PRKN: variants seen among roughly 807,000 people sequenced by gnomAD.
PRKN encodes parkin RBR E3 ubiquitin protein ligase.
In PRKN, 56 loss-of-function variants were observed where a neutral mutation model predicts 59.5. The observed-to-expected ratio is 0.94, with a 90% CI of 0.76 to 1.18. The LOEUF (loss-of-function observed/expected upper bound fraction) is 1.18, where lower values mean the gene tolerates loss of function less well. Ranked by LOEUF, PRKN falls within the 50% of genes most tolerant of loss-of-function variation. The pLI is 0.00. For missense variants in PRKN, 657 were observed against 596.4 expected, an observed-to-expected ratio of 1.10 and a Z score of -1.06; for synonymous variants, 250 against 222.1, an observed-to-expected ratio of 1.13 and a Z score of -1.12.
intron 3 of PRKN, among the ~76,000 whole-genome samples, chr6:162,220,738 G>A (rs1379465240): frequency 3.3e-5 from 5 of 152,222 alleles, no homozygotes; most frequent in African/African-American, 4.8e-5. Context: ...TCATGGCGCA[G>A]CCAAGGGGAG....
chr6:162,340,626 G>A (rs868161832), intron 2 of PRKN, among the ~76,000 whole-genome samples: 11 of 152,042 alleles, frequency 7.2e-5, no homozygotes, highest in South Asian at 2.1e-4. Context: ...ATAACACCAC[G>A]CATCTACAAA....
intron 6 of PRKN, among the ~76,000 whole-genome samples, chr6:161,833,341 A>AC (rs1792593083): frequency 1.3e-5 from 2 of 152,182 alleles, no homozygotes; most frequent in Non-Finnish European, 2.9e-5. Context: ...CTCTTGCTTA[A>AC]TGTCTTCTGA....
rs1264419096 is a variant in PRKN, at chr6:161,589,752, T to C, written c.872-20336A>G. 2.0e-5 allele frequency among the ~76,000 whole-genome samples: 3 copies of C among 151,374 alleles called. No individual in the cohort carries two copies. In the East Asian group the frequency reaches 5.9e-4, roughly 30 times the overall value. ...GTTTTTTGTTGAATTTCCTTTAAAA[T>C]ACAATGAATTGAAAAGGATTAAATT... is the stretch of plus-strand genomic sequence containing the variant. On this transcript the variant is annotated intron_variant, in intron 7 of 11. Coordinates refer to ENST00000366898, the MANE Select transcript of PRKN (RefSeq NM_004562.3).
At chr6:162,080,516 C>T (rs1388991832) in intron 4 of PRKN, among the ~76,000 whole-genome samples, 1 of 152,122 alleles carries the variant, frequency 6.6e-6, no homozygotes, top group East Asian at 1.9e-4. Context: ...AAAAAGTATG[C>T]TTGCACTATA....
chr6:161,464,599 A>G (rs1790365539), intron 9 of PRKN, among the ~76,000 whole-genome samples: 1 of 152,198 alleles, frequency 6.6e-6, no homozygotes, highest in South Asian at 2.1e-4. Context: ...TCCTATGCCC[A>G]CCTAGCCTAA....
chr6:162,702,901 T>C (rs35378894), intron 1 of PRKN, among the ~76,000 whole-genome samples: 12,984 of 152,216 alleles, frequency 0.085, 690 homozygotes, highest in Middle Eastern at 0.18. Context: ...ACATGGTTGA[T>C]TGATATCTAA....
intron 1 of PRKN, among the ~76,000 whole-genome samples, chr6:162,604,098 G>T (rs936804410): frequency 6.6e-6 from 1 of 152,168 alleles, no homozygotes; most frequent in African/African-American, 2.4e-5. Flanking sequence ...GGACCACACT[G>T]CACCGCAGCA....
intron 10 of PRKN, among the ~76,000 whole-genome samples, chr6:161,364,929 T>C (rs955043241): frequency 8.2e-6 from 1 of 122,102 alleles, no homozygotes; most frequent in African/African-American, 3.5e-5. Context: ...AGACTTTGTC[T>C]CAAAAAAAAA....
intron 4 of PRKN, among the ~76,000 whole-genome samples, chr6:162,119,207 A>AT (rs1340398960): frequency 1.3e-5 from 2 of 152,222 alleles, no homozygotes; most frequent in African/African-American, 4.8e-5. Context: ...ATGAGAAAAT[A>AT]TGACAGACTT....
At chr6:161,795,732 C>A (rs3016554) in intron 6 of PRKN, among the ~76,000 whole-genome samples, 3 of 151,896 alleles carry the variant, frequency 2.0e-5, no homozygotes, top group Non-Finnish European at 4.4e-5. Context: ...AATAAGAGGC[C>A]ACTCAGTCCA....
intron 1 of PRKN, among the ~76,000 whole-genome samples, chr6:162,520,875 T>G (rs2128193469): frequency 6.6e-6 from 1 of 152,222 alleles, no homozygotes; most frequent in East Asian, 1.9e-4. Flanking sequence ...TTAAAACAGC[T>G]CAAATAGTAT....
chr6:161,862,485 T>G (rs1793941838), intron 6 of PRKN, among the ~76,000 whole-genome samples: 2 of 151,972 alleles, frequency 1.3e-5, no homozygotes, highest in African/African-American at 4.8e-5. Flanking sequence ...AATAAATGAA[T>G]GAATAAGTGA....
chr6:161,635,950 A>G (rs1783498796), intron 7 of PRKN, among the ~76,000 whole-genome samples: 1 of 152,212 alleles, frequency 6.6e-6, no homozygotes, highest in Admixed American at 6.5e-5. Flanking sequence ...CAAGGGCTGA[A>G]TGTGAAGACA....
intron 1 of PRKN, among the ~76,000 whole-genome samples, chr6:162,579,324 C>A (rs540821599): frequency 2.0e-5 from 3 of 152,242 alleles, no homozygotes; most frequent in African/African-American, 7.2e-5. Context: ...AAGACCCAAT[C>A]TAATCACCTT....
At chr6:161,594,309 C>G (rs887218823) in intron 7 of PRKN, among the ~76,000 whole-genome samples, 2 of 152,200 alleles carry the variant, frequency 1.3e-5, no homozygotes, top group African/African-American at 2.4e-5. Context: ...CCTCCCAGAT[C>G]CCCATCCCAG....
At chr6:161,758,393 T>C (rs1261587049) in intron 7 of PRKN, among the ~76,000 whole-genome samples, 1 of 152,106 alleles carries the variant, frequency 6.6e-6, no homozygotes, top group African/African-American at 2.4e-5. Context: ...AATTCAGCAG[T>C]AGAAAGGAGT....
rs11293379 is a variant in PRKN, at chr6:161,372,825, ATTTT to A, written c.1168-12624_1168-12621del. On this transcript the variant is annotated intron_variant, in intron 10 of 11. Coordinates refer to ENST00000366898, the MANE Select transcript of PRKN (RefSeq NM_004562.3). This position sits in a 1 kb window ranked among gnomAD's most constrained non-coding sequence, Gnocchi z 4.2. ...TGGTCAACAAAGACAGAGAGACCCT[ATTTT>A]TTTTTTTTTTTTTTTTTTGAGACAG... Among the ~76,000 whole-genome samples, 9 of 114,408 alleles carry A rather than the reference ATTTT, an allele frequency of 7.9e-5. No individual in the cohort carries two copies. Among genetic ancestry groups the A allele is most frequent in the Admixed American group, 9.2e-5 (1 of 10,872 alleles). The allele number at this position is 114,408 out of a possible 152,430, so 75.1% of individuals were successfully genotyped here. A position where few individuals can be genotyped will look rare whatever the true frequency, so the allele number is the denominator to read the frequency against.
chr6:162,320,172 A>C (rs1782930499), intron 2 of PRKN, among the ~76,000 whole-genome samples: 1 of 151,708 alleles, frequency 6.6e-6, no homozygotes. Flanking sequence ...ATATAATTTT[A>C]TTGTGTATAT....
At chr6:161,617,526 A>T (rs144898415) in intron 7 of PRKN, among the ~76,000 whole-genome samples, 1 of 152,242 alleles carries the variant, frequency 6.6e-6, no homozygotes, top group African/African-American at 2.4e-5. Flanking sequence ...AGACTCATTG[A>T]GGTTTTAGAC....
Sources: allele counts gnomAD v4.1 joint callset (sites outside exome capture counted in the v4.1 genomes callset), GRCh38; gene constraint gnomAD v4.1.1; non-coding constraint Gnocchi (gnomAD v3.1); transcripts MANE v1.5; gene names NCBI Gene and HGNC (gene_info 2026-07-23, HGNC 2026-07-21).